Variants in LRRK2 observed in about 807,000 individuals in gnomAD.
LRRK2 encodes the protein leucine-rich repeat serine/threonine-protein kinase 2.
Under a neutral mutation model 302.6 loss-of-function variants are expected in LRRK2, and 203 were observed. The ratio of observed to expected loss-of-function variants is 0.67; its 90% CI spans 0.60 to 0.75. LRRK2 has a LOEUF of 0.75. LRRK2 is among the 30% of genes least tolerant of loss of function. The pLI is 0.00. For missense variants in LRRK2, 2,830 were observed against 2,951.0 expected (o/e 0.96, Z 0.95); for synonymous variants, 1,066 against 1,031.9 (o/e 1.03, Z -0.63).
At chr12:40,307,238 T>C (rs897546762) in intron 28 of LRRK2, among the ~76,000 whole-genome samples, 1 of 152,160 alleles carries the variant, frequency 6.6e-6, no homozygotes, top group African/African-American at 2.4e-5. Context: ...TTTGGTCATA[T>C]CATCAGGAAT....
In LRRK2 at chr12:40,298,493, G is replaced by A. The variant is rs1237664734; in HGVS notation, c.3347G>A (p.Gly1116Glu). ...AAACTGGAGCAGCTCATTTTAGAAGGGTAAGAAAGAGCTCATTAAAAATAA... is the reference window on the plus strand; with the variant it reads ...AAACTGGAGCAGCTCATTTTAGAAGAGTAAGAAAGAGCTCATTAAAAATAA... Reference protein sequence around the residue: ...VEKLEQLILEGNKISGICSPL... With the variant: ...VEKLEQLILEENKISGICSPL... Residue 1116 changes from glycine to glutamate, a missense_variant and splice_region_variant, in exon 24 of 51, where the codon GGA (glycine) becomes GAA (glutamate). Gly to Glu is a moderately conservative substitution (Grantham distance 98). Around this residue, in one of 3 missense-constraint regions of LRRK2, gnomAD observed 2,121 missense variants for 2,148.0 expected, o/e 0.99. Transcript: ENST00000298910. The A allele has an allele frequency of 6.2e-7, 1 of 1,613,426 alleles. No individual in the cohort carries two copies. The highest frequency in any genetic ancestry group is 1.3e-5 in the African/African-American group (1 of 74,826).
intron 41 of LRRK2, among the ~76,000 whole-genome samples, chr12:40,341,588 G>T (rs1260085840): frequency 6.6e-6 from 1 of 152,046 alleles, no homozygotes; most frequent in Non-Finnish European, 1.5e-5. Context: ...TACCTGCTGT[G>T]CGTCAGGCCC....
intron 49 of LRRK2, 136 bp downstream of exon 49, chr12:40,365,186 ACTGG>A (rs1946840454): frequency 1.3e-6 from 1 of 773,184 alleles, no homozygotes; most frequent in East Asian, 2.7e-5. Context: ...GAAACATAAG[ACTGG>A]TATAAATTGT....
chr12:40,313,414 C>T (rs926079908), intron 31 of LRRK2, among the ~76,000 whole-genome samples: 2 of 151,956 alleles, frequency 1.3e-5, no homozygotes, highest in African/African-American at 4.8e-5. Context: ...TAGATGATTT[C>T]TCATTTTCCC....
At chr12:40,301,599 A>G (rs142022301) in intron 25 of LRRK2, among the ~76,000 whole-genome samples, 206 of 152,316 alleles carry the variant, frequency 1.4e-3, no homozygotes, top group African/African-American at 4.7e-3. Context: ...TCTGCTTCTC[A>G]GGAAGACAGC....
At chr12:40,343,534 A>G (rs1031303177) in intron 41 of LRRK2, among the ~76,000 whole-genome samples, 11 of 152,230 alleles carry the variant, frequency 7.2e-5, no homozygotes, top group Non-Finnish European at 1.5e-4. Context: ...TCAGTACACA[A>G]TGTGATATGT....
At chr12:40,266,654 A>G (rs934992116) in intron 14 of LRRK2, among the ~76,000 whole-genome samples, 2 of 152,206 alleles carry the variant, frequency 1.3e-5, no homozygotes, top group Non-Finnish European at 2.9e-5. Flanking sequence ...GTTAGTGGGT[A>G]TATACCCAAA....
intron 46 of LRRK2, 34 bp downstream of exon 46, chr12:40,356,221 T>C (rs1393321495): frequency 6.8e-7 from 1 of 1,468,074 alleles, no homozygotes. Flanking sequence ...TCTAAATTTA[T>C]TTTAAGTCTT....
Position 40,259,378 on chromosome 12 carries a change from T to C in LRRK2, c.1419-102T>C, listed in dbSNP as rs896687869. On this transcript the variant is annotated intron_variant, in intron 12 of 50. Coordinates refer to ENST00000298910, the MANE Select transcript of LRRK2 (RefSeq NM_198578.4). The stretch of plus-strand genomic sequence containing the variant: ...TGCATTTTCATATAGTCTTTCCTGA[T>C]AAAATATATTGGTTCTGCCCTCCTG... 5.0e-6 allele frequency: 7 copies of C among 1,413,096 alleles called. No homozygotes were observed. In the African/African-American group the frequency reaches 9.9e-5, roughly 20 times the overall value. 87.5% of individuals were successfully genotyped at this position (1,413,096 alleles called of 1,614,324 possible).
intron 41 of LRRK2, among the ~76,000 whole-genome samples, chr12:40,345,982 A>C (rs546922866): frequency 8.9e-4 from 136 of 152,282 alleles, no homozygotes; most frequent in Non-Finnish European, 1.7e-3. Context: ...TTAGAAAGTG[A>C]TCCCTAAGTT....
At chr12:40,235,576 T>A in intron 3 of LRRK2, 50 bp from the exon 4 acceptor site, 1 of 1,292,312 alleles carries the variant, frequency 7.7e-7, no homozygotes, top group Non-Finnish European at 1.1e-6. Context: ...ATAAGCAAAC[T>A]TTTGAGTATG....
At chr12:40,289,788 C>A (rs1944071911) in intron 20 of LRRK2, among the ~76,000 whole-genome samples, 2 of 151,726 alleles carry the variant, frequency 1.3e-5, no homozygotes, top group African/African-American at 4.8e-5. Context: ...AATTTTGTAT[C>A]CTGTAAACTT....
Position 40,304,020 on chromosome 12 carries a change from C to T in LRRK2, c.3663C>T (p.Asn1221=), listed in dbSNP as rs764960812. The T allele has an allele frequency of 6.2e-7, 1 of 1,613,690 alleles. No individual in the cohort carries two copies. Among genetic ancestry groups the T allele is most frequent in the South Asian group, 1.1e-5 (1 of 91,066 alleles). Residue 1221 remains asparagine (N), a synonymous_variant, in exon 27 of 51, where the codon AAC becomes AAT. Transcript: ENST00000298910. ...LPGPAHWKSL[N]LRELLFSHNQ... ...GTCCCGCACACTGGAAATCTTTGAA[C>T]TTAAGGGAACTCTTATTTAGCCATA...
In LRRK2 at chr12:40,259,590, A is replaced by G; in HGVS notation, c.1529A>G (p.His510Arg). 2 of 1,613,204 alleles carry G rather than the reference A, an allele frequency of 1.2e-6. No homozygotes were observed. Among genetic ancestry groups the G allele is most frequent in the Non-Finnish European group, 1.7e-6 (2 of 1,179,328 alleles). The change falls in exon 13 of 51, where the codon CAT becomes CGT. Residue 510 changes from histidine (H) to arginine (R), a missense_variant. By Grantham distance (29) the His-to-Arg change is conservative (BLOSUM62 0). Around this residue, in one of 3 missense-constraint regions of LRRK2, gnomAD observed 2,121 missense variants for 2,148.0 expected, o/e 0.99. Transcript: ENST00000298910. ...CTGGAGGCGCTTCGAGCTATTTTAC[A>G]TTTTATAGTGCCTGGTAAGTTACAT... ...VQLEALRAILHFIVPGMPEES... is the reference protein window; with the variant it reads ...VQLEALRAILRFIVPGMPEES...
chr12:40,243,512 G>C (rs753532633), intron 6 of LRRK2, 38 bp from the exon 7 acceptor site: 2 of 1,605,380 alleles, frequency 1.2e-6, no homozygotes, highest in Admixed American at 3.3e-5. Flanking sequence ...AGGAGAACAT[G>C]GTTACCTTAT....
intron 10 of LRRK2, among the ~76,000 whole-genome samples, chr12:40,252,701 T>C (rs547627925): frequency 4.3e-4 from 66 of 152,268 alleles, no homozygotes; most frequent in African/African-American, 1.6e-3. Flanking sequence ...GCATATGCTT[T>C]TGAAAAAGCA....
At chr12:40,303,880 T>C in intron 26 of LRRK2, 68 bp from the exon 27 acceptor site, 1 of 1,460,794 alleles carries the variant, frequency 6.8e-7, no homozygotes, top group African/African-American at 1.4e-5. Context: ...GGAAAATTAT[T>C]TGTGATGTTA....
chr12:40,293,772 G>C (rs897899832), intron 21 of LRRK2, 109 bp downstream of exon 21: 5 of 726,466 alleles, frequency 6.9e-6, no homozygotes, highest in African/African-American at 1.8e-5. Flanking sequence ...TTTCCCTGAT[G>C]TATGAAAACT....
intron 5 of LRRK2, 113 bp from the exon 6 acceptor site, chr12:40,240,370 G>T: frequency 2.2e-6 from 2 of 905,066 alleles, no homozygotes; most frequent in South Asian, 1.5e-5. Flanking sequence ...TTTTATTTAA[G>T]GAGATTACAC....
Sources: allele counts gnomAD v4.1 joint callset (sites outside exome capture counted in the v4.1 genomes callset), GRCh38; gene constraint gnomAD v4.1.1; regional missense constraint gnomAD v4.1.1; transcripts MANE v1.5; gene names NCBI Gene and HGNC (gene_info 2026-07-23, HGNC 2026-07-21).